Variants in NRIP1 observed in about 807,000 individuals in gnomAD.
NRIP1 encodes the protein nuclear receptor-interacting protein 1.
Under a neutral mutation model 75.0 loss-of-function variants are expected in NRIP1, and 28 were observed. The observed-to-expected ratio is 0.37, with a 90% CI of 0.28 to 0.51. The LOEUF (loss-of-function observed/expected upper bound fraction) is 0.51. Ranked by LOEUF, NRIP1 falls within the 20% of genes least tolerant of loss-of-function variation. The probability of loss-of-function intolerance (pLI) is 0.92; values close to 1 mark genes in which losing one functional copy is unlikely to be tolerated. For synonymous variants in NRIP1, 526 were observed against 487.6 expected (o/e 1.08, Z -1.04); for missense variants, 1,435 against 1,343.7 (o/e 1.07, Z -1.06).
chr21:15,026,831 C>G (rs1356710339), intron 2 of NRIP1, among the ~76,000 whole-genome samples: 1 of 151,856 alleles, frequency 6.6e-6, no homozygotes, highest in African/African-American at 2.4e-5. Context: ...TTTCAAAAAA[C>G]CAATATAAGT....
intron 3 of NRIP1, among the ~76,000 whole-genome samples, chr21:15,011,350 C>A (rs377435791): frequency 1.1e-4 from 17 of 152,090 alleles, no homozygotes; most frequent in Non-Finnish European, 4.4e-5. Flanking sequence ...CCATGGCGCC[C>A]GGCTAATTTT....
In NRIP1 at chr21:14,965,806, G is replaced by A; in HGVS notation, c.2387C>T (p.Pro796Leu). The A allele has an allele frequency of 6.2e-7, 1 of 1,613,972 alleles. No individual in the cohort carries two copies. Among genetic ancestry groups the A allele is most frequent in the Non-Finnish European group, 8.5e-7 (1 of 1,179,960 alleles). Residue 796 changes from proline (P) to leucine (L), a missense_variant, in exon 4 of 4, where the codon CCA (proline) becomes CTA (leucine). Pro to Leu is a moderately conservative substitution (Grantham distance 98). Transcript: ENST00000318948. ...PAVQRSAPAL[P>L]VSEDFKSEPV... ...CTCCGATTTAAAGTCTTCGGACACT[G>A]GTAAGGCAGGTGCGCTTCTCTGCAC...
chr21:14,967,353 A>T lies in NRIP1; in HGVS notation c.840T>A (p.Ser280=), dbSNP rs762722594. 6 of 1,613,982 alleles carry T rather than the reference A, an allele frequency of 3.7e-6. No homozygotes were observed. In the African/African-American group the frequency reaches 8.0e-5, roughly 22 times the overall value. ...LSSEAHLQQY[S]REHALKTQNA... Reference sequence around the variant, plus strand: ...TTTGCGTTTTTAAAGCGTGTTCTCGAGAATACTGCTGCAAATGGGCTTCGC... The same window carrying T: ...TTTGCGTTTTTAAAGCGTGTTCTCGTGAATACTGCTGCAAATGGGCTTCGC... The change falls in exon 4 of 4, where the codon TCT becomes TCA. Residue 280 remains serine, a synonymous_variant. Coordinates refer to ENST00000318948, the MANE Select transcript of NRIP1 (RefSeq NM_003489.4).
In NRIP1 at chr21:14,967,204, C is replaced by G. The variant is rs761856892; in HGVS notation, c.989G>C (p.Arg330Thr). The change falls in exon 4 of 4, where the codon AGA becomes ACA. Residue 330 changes from arginine (R) to threonine (T), a missense_variant. Coordinates refer to ENST00000318948, the MANE Select transcript of NRIP1 (RefSeq NM_003489.4). Reference sequence around the variant, plus strand: ...AGCCATCAGTTTGCTTGATGATGTTCTTGCCTGACCATTAAGATGGCTTGA... The same window carrying G: ...AGCCATCAGTTTGCTTGATGATGTTGTTGCCTGACCATTAAGATGGCTTGA... ...GMSSHLNGQA[R>T]TSSSKLMASK... 2 of 1,614,076 alleles carry G rather than the reference C, an allele frequency of 1.2e-6. No homozygotes were observed. The highest frequency in any genetic ancestry group is 2.2e-5 in the East Asian group (1 of 44,870).
intron 1 of NRIP1, chr21:15,050,115 G>A (rs1044904514): frequency 6.6e-6 from 1 of 152,400 alleles, no homozygotes; most frequent in Admixed American, 6.5e-5. Context: ...ACCACATCTT[G>A]GTATTTTAAT....
At chr21:15,042,433 G>A (rs2088977088) in intron 2 of NRIP1, among the ~76,000 whole-genome samples, 1 of 152,164 alleles carries the variant, frequency 6.6e-6, no homozygotes, top group Admixed American at 6.5e-5. Context: ...TAGTCAAATT[G>A]GCTGGCATAT....
At chr21:15,012,320 T>C (rs1431208139) in intron 3 of NRIP1, among the ~76,000 whole-genome samples, 1 of 152,118 alleles carries the variant, frequency 6.6e-6, no homozygotes, top group Non-Finnish European at 1.5e-5. Flanking sequence ...AAAAACACAT[T>C]TGACATAATC....
At position 14,964,895 on chromosome 21, in the gene NRIP1, A is replaced by G. The variant is rs148048455; in HGVS notation, c.3298T>C (p.Ser1100Pro). ...WREASSAESV[S>P]QVTAKEELLP... ...AACTCTTCTTTGGCTGTGACCTGTG[A>G]GACACTTTCAGCAGATGAAGCCTCC... Residue 1100 changes from serine to proline, a missense_variant, in exon 4 of 4, where the codon TCA (serine) becomes CCA (proline). Physicochemically the swap from Ser to Pro is moderately conservative, Grantham distance 74. Transcript: ENST00000318948. 3 of 1,613,212 alleles carry G rather than the reference A, an allele frequency of 1.9e-6. No homozygotes were observed. The highest frequency in any genetic ancestry group is 2.5e-6 in the Non-Finnish European group (3 of 1,179,618).
intron 1 of NRIP1, chr21:15,050,854 C>A: frequency 2.2e-6 from 1 of 456,092 alleles, no homozygotes; most frequent in Non-Finnish European, 4.4e-6. Flanking sequence ...GACCCATACA[C>A]CCAGGAGGCA....
At chr21:14,980,493 A>AAAAT (rs943111916) in intron 3 of NRIP1, among the ~76,000 whole-genome samples, 16 of 151,804 alleles carry the variant, frequency 1.1e-4, no homozygotes, top group Non-Finnish European at 1.8e-4. Context: ...AAAATAAAAT[A>AAAAT]AAAATAAAAT....
chr21:15,055,322 T>A (rs1044189840), intron 1 of NRIP1, among the ~76,000 whole-genome samples: 19 of 152,246 alleles, frequency 1.2e-4, no homozygotes, highest in Non-Finnish European at 2.5e-4. Flanking sequence ...TCTCTTTGTC[T>A]GCAAATAAAT....
intron 3 of NRIP1, among the ~76,000 whole-genome samples, chr21:14,989,961 A>C (rs80083008): frequency 0.028 from 4,309 of 152,250 alleles, 214 homozygotes; most frequent in African/African-American, 0.098. Context: ...AAAAAAAAAG[A>C]AACATGAAAG....
chr21:14,965,819 C>G lies in NRIP1; in HGVS notation c.2374G>C (p.Ala792Pro). 1 of 1,613,894 alleles carries G rather than the reference C, an allele frequency of 6.2e-7. No individual in the cohort carries two copies. Among genetic ancestry groups the G allele is most frequent in the South Asian group, 1.1e-5 (1 of 91,064 alleles). Residue 792 changes from alanine (A) to proline (P), a missense_variant, in exon 4 of 4, where the codon GCA becomes CCA. Transcript: ENST00000318948. ...TCTTCGGACACTGGTAAGGCAGGTG[C>G]GCTTCTCTGCACAGCAGGAGCCATA... ...LGMAPAVQRS[A>P]PALPVSEDFK...
rs1278267697 is a variant in NRIP1 at position 14,963,566 on chromosome 21, G to GTT, written c.*1148_*1149dup. ...TTGGGGAAAATAGAGGCATCACATA[G>GTT]TTTTTTGTTTTTGTTTTACAGTCTC... On this transcript the variant is annotated 3_prime_UTR_variant, in exon 4 of 4. Transcript: ENST00000318948. The GTT allele has an allele frequency of 1.3e-5, 2 of 152,418 alleles. No homozygotes were observed. Among genetic ancestry groups the GTT allele is most frequent in the African/African-American group, 4.8e-5 (2 of 41,428 alleles). 9.4% of individuals were successfully genotyped at this position (152,418 alleles called of 1,614,324 possible).
chr21:14,995,816 C>T (rs1171552865), intron 3 of NRIP1, among the ~76,000 whole-genome samples: 1 of 151,924 alleles, frequency 6.6e-6, no homozygotes, highest in Non-Finnish European at 1.5e-5. Flanking sequence ...CTAACTGGCC[C>T]TCCTCCAACA....
intron 2 of NRIP1, among the ~76,000 whole-genome samples, chr21:15,032,568 C>G (rs1297530160): frequency 1.3e-5 from 2 of 151,466 alleles, no homozygotes. Context: ...ACCATATTCT[C>G]TAATAGTAAA....
chr21:15,014,615 A>G (rs2088182084), intron 2 of NRIP1, 149 bp from the exon 3 acceptor site: 1 of 395,218 alleles, frequency 2.5e-6, no homozygotes, highest in Non-Finnish European at 4.5e-6. Context: ...ATTGTTTATG[A>G]ATGCTGGTTC....
At position 14,967,692 on chromosome 21, in the gene NRIP1, A is replaced by C. The variant is rs1381183938; in HGVS notation, c.501T>G (p.Asp167Glu). ...TTAAATCCTTCTCCACTTTTAAAGA[A>C]TCATGACTGAGGGCATATCCTTGCT... ...LKEQGYALSH[D>E]SLKVEKDLRC... The change falls in exon 4 of 4, where the codon GAT becomes GAG. Residue 167 changes from aspartate to glutamate, a missense_variant. Asp to Glu is a conservative substitution (Grantham distance 45, BLOSUM62 2). Coordinates refer to ENST00000318948, the MANE Select transcript of NRIP1 (RefSeq NM_003489.4). 1.7e-5 allele frequency: 27 copies of C among 1,614,028 alleles called. 1 individual carries two copies. The highest frequency in any genetic ancestry group is 2.0e-5 in the Non-Finnish European group (24 of 1,180,018).
At chr21:14,990,048 T>C (rs903312017) in intron 3 of NRIP1, among the ~76,000 whole-genome samples, 4 of 152,152 alleles carry the variant, frequency 2.6e-5, no homozygotes, top group African/African-American at 9.7e-5. Context: ...ACAATAAATC[T>C]AGACTATTAA....
Sources: gnomAD v4.1 joint callset for allele counts (sites outside exome capture counted in the v4.1 genomes callset) on GRCh38, gnomAD v4.1.1 for gene constraint, MANE v1.5 for transcripts, NCBI Gene and HGNC (gene_info 2026-07-23, HGNC 2026-07-21) for gene names.